CYP4X1: variants seen among roughly 807,000 people sequenced by gnomAD.
The protein encoded by CYP4X1 is cytochrome P450 4X1.
In CYP4X1, 44 loss-of-function variants were observed where a neutral mutation model predicts 57.9. That is an observed-to-expected ratio of 0.76 (90% confidence interval 0.60 to 0.98). The LOEUF (loss-of-function observed/expected upper bound fraction) is 0.98. Ranked by LOEUF, CYP4X1 falls within the 50% of genes least tolerant of loss-of-function variation. The pLI, the probability that CYP4X1 is intolerant of heterozygous loss-of-function variation, is 0.00. For missense variants in CYP4X1, 532 were observed against 623.9 expected, an observed-to-expected ratio of 0.85 and a Z score of 1.57; for synonymous variants, 227 against 228.6, an observed-to-expected ratio of 0.99 and a Z score of 0.06.
the CYP4X1 span, among the ~76,000 whole-genome samples, chr1:47,018,317 C>T: frequency 6.6e-6 from 1 of 152,062 alleles, no homozygotes; most frequent in African/African-American, 2.4e-5. Context: ...TGTTACGTTC[C>T]AGCCTTTGTT....
chr1:47,048,419 C>G, intron 9 of CYP4X1, 146 bp from the exon 10 acceptor site: 1 of 840,502 alleles, frequency 1.2e-6, no homozygotes, highest in South Asian at 1.4e-5. Context: ...TTCTTAGGTG[C>G]TCCTCACTGG....
At chr1:46,989,649 T>C in the CYP4X1 span, among the ~76,000 whole-genome samples, 1 of 152,176 alleles carries the variant, frequency 6.6e-6, no homozygotes, top group South Asian at 2.1e-4. Flanking sequence ...GACTTCAAAC[T>C]GTACTACAAG....
chr1:47,011,849 C>T, the CYP4X1 span, among the ~76,000 whole-genome samples: 2 of 152,280 alleles, frequency 1.3e-5, no homozygotes, highest in East Asian at 3.9e-4. Flanking sequence ...CAAATCAAAA[C>T]CACAATGAGA....
intron 6 of CYP4X1, among the ~76,000 whole-genome samples, chr1:47,037,040 T>C (rs913551714): frequency 1.3e-5 from 2 of 152,164 alleles, no homozygotes; most frequent in Non-Finnish European, 2.9e-5. Flanking sequence ...AAATGGGCAT[T>C]ATAAATAGCA....
At chr1:47,012,208 A>C in the CYP4X1 span, among the ~76,000 whole-genome samples, 1 of 152,226 alleles carries the variant, frequency 6.6e-6, no homozygotes, top group African/African-American at 2.4e-5. Context: ...GCACATATAC[A>C]CCATTGAATA....
the CYP4X1 span, chr1:46,967,679 G>C: frequency 1.5e-6 from 1 of 680,154 alleles, no homozygotes; most frequent in Non-Finnish European, 2.2e-6. Flanking sequence ...GGCCCTCAGA[G>C]CTGGTCCTTG....
chr1:47,033,441 T>C, intron 4 of CYP4X1, 73 bp downstream of exon 4: 1 of 1,540,350 alleles, frequency 6.5e-7, no homozygotes, highest in Non-Finnish European at 8.8e-7. Flanking sequence ...GTATGTGTTT[T>C]GTGGGCCATG....
rs1486816958 is a variant in CYP4X1 at position 47,046,532 on chromosome 1, C to T, written c.1139C>T (p.Ala380Val). The T allele has an allele frequency of 1.9e-6, 3 of 1,614,028 alleles. No individual in the cohort carries two copies. The African/African-American group carries it at 4.0e-5, about 22-fold the overall frequency. ...AAGGAGACGTGCCGATTGATTCCTGCAGTCCCGTCCATTTCCAGAGATCTC... is the reference window on the plus strand; with the variant it reads ...AAGGAGACGTGCCGATTGATTCCTGTAGTCCCGTCCATTTCCAGAGATCTC... ...CIKETCRLIP[A>V]VPSISRDLSK... is the part of the protein sequence containing the mutation. Residue 380 changes from alanine (A) to valine (V), a missense_variant, in exon 9 of 12, where the codon GCA (alanine) becomes GTA (valine). Ala to Val is a moderately conservative substitution (Grantham distance 64). Transcript: ENST00000371901.
At chr1:47,034,416 T>C (rs1350555277) in intron 4 of CYP4X1, among the ~76,000 whole-genome samples, 1 of 152,230 alleles carries the variant, frequency 6.6e-6, no homozygotes, top group Non-Finnish European at 1.5e-5. Flanking sequence ...GGCTTCAATT[T>C]TTAAATCATA....
the CYP4X1 span, among the ~76,000 whole-genome samples, chr1:46,989,605 C>T: frequency 6.6e-6 from 1 of 152,104 alleles, no homozygotes; most frequent in African/African-American, 2.4e-5. Context: ...CAATCATAAG[C>T]AAAAAGAGCA....
At chr1:47,044,559 A>C (rs1569651121) in intron 8 of CYP4X1, among the ~76,000 whole-genome samples, 1 of 152,198 alleles carries the variant, frequency 6.6e-6, no homozygotes, top group Admixed American at 6.5e-5. Flanking sequence ...AGGGTATTCT[A>C]AATTGACTAT....
the CYP4X1 span, among the ~76,000 whole-genome samples, chr1:46,989,333 C>G: frequency 6.6e-6 from 1 of 151,790 alleles, no homozygotes; most frequent in East Asian, 1.9e-4. Flanking sequence ...CTAGGAATAC[C>G]AATTTACAAG....
At chr1:46,968,168 C>T in the CYP4X1 span, among the ~76,000 whole-genome samples, 1 of 152,156 alleles carries the variant, frequency 6.6e-6, no homozygotes. Flanking sequence ...ATGGATGGTC[C>T]TCAGCTGCTG....
chr1:46,991,058 C>T, the CYP4X1 span, among the ~76,000 whole-genome samples: 1 of 150,546 alleles, frequency 6.6e-6, no homozygotes, highest in Non-Finnish European at 1.5e-5. Context: ...AAAAAAGAGT[C>T]AGGAGAGGCA....
At chr1:46,990,643 A>G in the CYP4X1 span, among the ~76,000 whole-genome samples, 1 of 152,242 alleles carries the variant, frequency 6.6e-6, no homozygotes, top group Non-Finnish European at 1.5e-5. Context: ...AAGACTTAGG[A>G]CCAACCCAAA....
At chr1:46,970,699 C>G in the CYP4X1 span, among the ~76,000 whole-genome samples, 1 of 152,248 alleles carries the variant, frequency 6.6e-6, no homozygotes, top group South Asian at 2.1e-4. Context: ...CTGTTTTAAC[C>G]ACCAGATAAT....
chr1:47,031,681 C>A (rs551792868), intron 3 of CYP4X1, among the ~76,000 whole-genome samples: 1 of 152,080 alleles, frequency 6.6e-6, no homozygotes, highest in Non-Finnish European at 1.5e-5. Context: ...CTTCTTCATC[C>A]GTTTCTCTCC....
chr1:47,022,384 G>A (rs929508103), upstream of CYP4X1, among the ~76,000 whole-genome samples: 4 of 149,506 alleles, frequency 2.7e-5, no homozygotes, highest in African/African-American at 9.9e-5. Context: ...TTTGCCTCTC[G>A]GGTTCAAGCG....
intron 1 of CYP4X1, 52 bp downstream of exon 1, chr1:47,024,046 C>G (rs1411133325): frequency 6.4e-7 from 1 of 1,553,060 alleles, no homozygotes; most frequent in Non-Finnish European, 8.7e-7. Flanking sequence ...GAGGAGGATG[C>G]GGCAGAGGAG....
Sources: gnomAD v4.1 joint callset for allele counts (sites outside exome capture counted in the v4.1 genomes callset) on GRCh38, gnomAD v4.1.1 for gene constraint, MANE v1.5 for transcripts, NCBI Gene and HGNC (gene_info 2026-07-23, HGNC 2026-07-21) for gene names.